PDE1A: variants seen among roughly 807,000 people sequenced by gnomAD.
PDE1A encodes the protein dual specificity calcium/calmodulin-dependent 3',5'-cyclic nucleotide phosphodiesterase 1A.
Under a neutral mutation model 61.7 loss-of-function variants are expected in PDE1A, and 35 were observed. That is an observed-to-expected ratio of 0.57 (90% confidence interval 0.43 to 0.75). PDE1A has a LOEUF of 0.75. PDE1A is among the 30% of genes least tolerant of loss of function. The pLI, the probability that PDE1A is intolerant of heterozygous loss-of-function variation, is 0.00. For missense variants in PDE1A, 597 were observed against 630.6 expected (o/e 0.95, Z 0.57); for synonymous variants, 232 against 213.2 (o/e 1.09, Z -0.77).
At chr2:182,577,929 A>AATGG in the PDE1A span, among the ~76,000 whole-genome samples, 22 of 81,230 alleles carry the variant, frequency 2.7e-4, no homozygotes, top group African/African-American at 1.0e-3. Flanking sequence ...AAAGAAAGAA[A>AATGG]ACGGAAGGAA....
chr2:182,533,250 G>A, the PDE1A span, among the ~76,000 whole-genome samples: 71 of 152,138 alleles, frequency 4.7e-4, no homozygotes, highest in African/African-American at 1.7e-3. Context: ...GGTGGAGAGC[G>A]CAGTGAGCCA....
At chr2:182,369,760 A>C (rs1700026706) in intron 1 of PDE1A, among the ~76,000 whole-genome samples, 1 of 152,242 alleles carries the variant, frequency 6.6e-6, no homozygotes, top group Non-Finnish European at 1.5e-5. Context: ...GCAGTGTCAT[A>C]ACAAATAAAT....
At chr2:182,147,288 A>G in intron 13 of PDE1A, 136 bp from the exon 14 acceptor site, 1 of 536,214 alleles carries the variant, frequency 1.9e-6, no homozygotes, top group Non-Finnish European at 3.3e-6. Context: ...ACATTTTTTC[A>G]AAGACACCAA....
At chr2:182,347,127 GTT>G (rs11319157) in intron 1 of PDE1A, among the ~76,000 whole-genome samples, 16 of 151,638 alleles carry the variant, frequency 1.1e-4, no homozygotes, top group African/African-American at 2.7e-4. Flanking sequence ...AAAAAGCTGA[GTT>G]TTTTTTTTCC....
the PDE1A span, among the ~76,000 whole-genome samples, chr2:182,692,064 A>G: frequency 6.6e-6 from 1 of 152,336 alleles, no homozygotes; most frequent in Admixed American, 6.5e-5. Context: ...GAACACTTTT[A>G]CACTGTTGGT....
the PDE1A span, among the ~76,000 whole-genome samples, chr2:182,627,041 T>TATATTCTTA: frequency 8.9e-4 from 2 of 2,240 alleles, no homozygotes; most frequent in Non-Finnish European, 1.6e-3. Context: ...AATATATATA[T>TATATTCTTA]TATTTATATA....
At chr2:182,608,041 C>T in the PDE1A span, among the ~76,000 whole-genome samples, 1 of 152,122 alleles carries the variant, frequency 6.6e-6, no homozygotes, top group Admixed American at 6.5e-5. Flanking sequence ...AAAACAATAC[C>T]CCTAAAAGAA....
At chr2:182,378,032 G>C (rs1420335035) in intron 1 of PDE1A, among the ~76,000 whole-genome samples, 1 of 152,034 alleles carries the variant, frequency 6.6e-6, no homozygotes, top group African/African-American at 2.4e-5. Context: ...ATTTTTAGTA[G>C]AGACGGGGTT....
At chr2:182,435,027 G>A (rs536449420) in intron 2 of PDE1A, among the ~76,000 whole-genome samples, 11 of 152,010 alleles carry the variant, frequency 7.2e-5, no homozygotes, top group Non-Finnish European at 1.2e-4. Flanking sequence ...TGTCACTGAA[G>A]TGTAGGAGTA....
chr2:182,669,996 T>A, the PDE1A span, among the ~76,000 whole-genome samples: 1 of 152,226 alleles, frequency 6.6e-6, no homozygotes, highest in Non-Finnish European at 1.5e-5. Flanking sequence ...CATTAAGGGA[T>A]GATGGTGTTA....
At chr2:182,594,847 C>G in the PDE1A span, among the ~76,000 whole-genome samples, 3 of 152,184 alleles carry the variant, frequency 2.0e-5, no homozygotes, top group Non-Finnish European at 4.4e-5. Flanking sequence ...GGACCAGGTC[C>G]TGAACTGCTC....
chr2:182,626,717 T>TTATA, the PDE1A span, among the ~76,000 whole-genome samples: 8 of 29,142 alleles, frequency 2.7e-4, 2 homozygotes, highest in African/African-American at 7.2e-4. Context: ...ACAAATGGCT[T>TTATA]TATATATATA....
chr2:182,673,989 CATATATATATATATATATAT>C, the PDE1A span, among the ~76,000 whole-genome samples: 228 of 135,270 alleles, frequency 1.7e-3, 1 homozygote, highest in African/African-American at 6.3e-3. Flanking sequence ...AATATAACTT[CATATATATATATATATATAT>C]ATATATATAT....
intron 1 of PDE1A, among the ~76,000 whole-genome samples, chr2:182,351,985 G>T (rs1698907019): frequency 6.6e-6 from 1 of 152,184 alleles, no homozygotes; most frequent in Non-Finnish European, 1.5e-5. Context: ...ATAGAGTCAT[G>T]CATGTCAAAA....
Position 182,212,997 on chromosome 2 carries a change from C to T in PDE1A, c.777-6932G>A, listed in dbSNP as rs1257331721. Among the ~76,000 whole-genome samples, 22 of 150,190 alleles carry T rather than the reference C, an allele frequency of 1.5e-4. No individual in the cohort carries two copies. The South Asian group carries it at 4.6e-3, about 32-fold the overall frequency. ...ACAAACAAAAAGACAGCAGTAACCT[C>T]TGCAGACTTAAATGTCCCTGTCTGA... On this transcript the variant is annotated intron_variant, in intron 7 of 13. Transcript: ENST00000351439.
intron 1 of PDE1A, among the ~76,000 whole-genome samples, chr2:182,358,552 C>T (rs1270099041): frequency 1.3e-5 from 2 of 152,100 alleles, no homozygotes; most frequent in Non-Finnish European, 1.5e-5. Flanking sequence ...CCTCCTCTAG[C>T]ACTTTGTTCA....
At chr2:182,671,621 CTTTT>C in the PDE1A span, among the ~76,000 whole-genome samples, 4 of 124,308 alleles carry the variant, frequency 3.2e-5, no homozygotes, top group Non-Finnish European at 4.9e-5. Context: ...CTTTCTTTTT[CTTTT>C]TTTTTTTTTT....
chr2:182,562,943 T>C, the PDE1A span, among the ~76,000 whole-genome samples: 1 of 152,230 alleles, frequency 6.6e-6, no homozygotes, highest in African/African-American at 2.4e-5. Context: ...GATTCTTTGC[T>C]CTTTTCTTCT....
At chr2:182,318,987 A>C (rs989670022) in intron 1 of PDE1A, among the ~76,000 whole-genome samples, 1 of 152,166 alleles carries the variant, frequency 6.6e-6, no homozygotes, top group Non-Finnish European at 1.5e-5. Context: ...GCCTTGGAGA[A>C]TGAAGATATT....
Sources: allele counts gnomAD v4.1 joint callset (sites outside exome capture counted in the v4.1 genomes callset), GRCh38; gene constraint gnomAD v4.1.1; transcripts MANE v1.5; gene names NCBI Gene and HGNC (gene_info 2026-07-23, HGNC 2026-07-21).